The following CD226 variants were observed in gnomAD, a reference collection of about 807,000 sequenced individuals.
The protein encoded by CD226 is CD226 molecule, also known as CD226 antigen.
Under a neutral mutation model 34.9 loss-of-function variants are expected in CD226, and 24 were observed. The ratio of observed to expected loss-of-function variants is 0.69; its 90% CI spans 0.50 to 0.97. The LOEUF is 0.97. CD226 is among the 50% of genes least tolerant of loss of function. The pLI is 0.00. For synonymous variants in CD226, 148 were observed against 147.4 expected (o/e 1.00, Z -0.03); for missense variants, 397 against 412.7 (o/e 0.96, Z 0.33).
At chr18:69,944,517 G>T (rs987438250) in intron 2 of CD226, 1 of 152,192 alleles carries the variant, frequency 6.6e-6, no homozygotes, top group East Asian at 1.9e-4. Flanking sequence ...GTTCTCTACA[G>T]GTTAGCTCCA....
intron 2 of CD226, among the ~76,000 whole-genome samples, chr18:69,897,962 A>G (rs1022128388): frequency 1.3e-5 from 2 of 152,154 alleles, no homozygotes; most frequent in African/African-American, 4.8e-5. Context: ...CACATAACAC[A>G]CACCCGGAAA....
At chr18:69,897,710 A>G (rs1985379370) in intron 2 of CD226, among the ~76,000 whole-genome samples, 2 of 152,198 alleles carry the variant, frequency 1.3e-5, no homozygotes. Context: ...AAGGAAGGAA[A>G]GGAGACAGAG....
intron 3 of CD226, among the ~76,000 whole-genome samples, chr18:69,874,368 T>C (rs1185375092): frequency 6.6e-6 from 1 of 152,204 alleles, no homozygotes; most frequent in Non-Finnish European, 1.5e-5. Flanking sequence ...CCACAGAGCA[T>C]GTTGTGAGTG....
At position 69,863,518 on chromosome 18, in the gene CD226, T is replaced by C; in HGVS notation, c.*796A>G. The C allele has an allele frequency of 6.6e-6, 1 of 152,214 alleles. No individual in the cohort carries two copies. Among genetic ancestry groups the C allele is most frequent in the Non-Finnish European group, 1.5e-5 (1 of 68,040 alleles). The allele number at this position is 152,214 out of a possible 1,614,324, so 9.4% of individuals were successfully genotyped here. A position where few individuals can be genotyped will look rare whatever the true frequency, so the allele number is the denominator to read the frequency against. On this transcript the variant is annotated 3_prime_UTR_variant, in exon 6 of 6. Coordinates refer to ENST00000582621, the MANE Select transcript of CD226 (RefSeq NM_001303618.2). The stretch of plus-strand genomic sequence containing the variant: ...CCTCTTGAATATTCATTTCTTCTAC[T>C]GCCAGGTATTCTTCTGGACTATGCT...
intron 3 of CD226, among the ~76,000 whole-genome samples, chr18:69,888,409 CCTTT>C (rs1984687008): frequency 7.1e-6 from 1 of 140,066 alleles, no homozygotes; most frequent in African/African-American, 2.6e-5. Flanking sequence ...CTATTTTTTT[CCTTT>C]CTCTTTTTTT....
At chr18:69,918,194 C>T (rs2055408632) in intron 2 of CD226, among the ~76,000 whole-genome samples, 1 of 152,212 alleles carries the variant, frequency 6.6e-6, no homozygotes, top group African/African-American at 2.4e-5. Flanking sequence ...AAAAGAGTCA[C>T]CTACTTCAAT....
At chr18:69,937,670 G>A (rs2055672043) in intron 2 of CD226, among the ~76,000 whole-genome samples, 2 of 152,064 alleles carry the variant, frequency 1.3e-5, no homozygotes. Flanking sequence ...GGATAAGTGG[G>A]TTCAGCTCCT....
upstream of CD226, among the ~76,000 whole-genome samples, chr18:69,960,980 G>T (rs1382131495): frequency 6.6e-6 from 1 of 152,172 alleles, no homozygotes; most frequent in Non-Finnish European, 1.5e-5. Context: ...AAAAGGAATA[G>T]GAGCTGTAAA....
rs79101692 is a variant in CD226 at position 69,906,694 on chromosome 18, T to A, written c.383-10649A>T. Among the ~76,000 whole-genome samples the A allele has an allele frequency of 8.3e-3, 1,267 of 152,328 alleles. 8 individuals carry two copies. The highest frequency in any genetic ancestry group is 0.041 in the Middle Eastern group (12 of 294). On this transcript the variant is annotated intron_variant, in intron 2 of 5. Coordinates refer to ENST00000582621, the MANE Select transcript of CD226 (RefSeq NM_001303618.2). Reference sequence around the variant, plus strand: ...GGAGGACTTCGAGTTTCAGACAATATTCACGTTCGTTGTAAGGGAAAATGG... The same window carrying A: ...GGAGGACTTCGAGTTTCAGACAATAATCACGTTCGTTGTAAGGGAAAATGG...
chr18:69,916,712 T>C (rs1255028864), intron 2 of CD226, among the ~76,000 whole-genome samples: 3 of 152,204 alleles, frequency 2.0e-5, no homozygotes, highest in African/African-American at 7.2e-5. Context: ...GCATGAACTG[T>C]CCTTTTTATA....
At chr18:69,918,269 A>G (rs1376361748) in intron 2 of CD226, among the ~76,000 whole-genome samples, 1 of 152,206 alleles carries the variant, frequency 6.6e-6, no homozygotes, top group Non-Finnish European at 1.5e-5. Flanking sequence ...AGAAGCTATT[A>G]GGGCCAGGCA....
At chr18:69,934,391 T>C (rs2055627055) in intron 2 of CD226, among the ~76,000 whole-genome samples, 1 of 152,054 alleles carries the variant, frequency 6.6e-6, no homozygotes, top group Non-Finnish European at 1.5e-5. Context: ...TGGCCAAGAA[T>C]TGGAACAAGT....
upstream of CD226, among the ~76,000 whole-genome samples, chr18:69,952,782 G>A (rs1300018558): frequency 2.0e-5 from 3 of 152,160 alleles, no homozygotes; most frequent in African/African-American, 7.2e-5. Flanking sequence ...GTGCATCAAA[G>A]GACATTTTCA....
intron 2 of CD226, among the ~76,000 whole-genome samples, chr18:69,928,932 C>T (rs951117931): frequency 2.0e-5 from 3 of 152,164 alleles, no homozygotes; most frequent in Admixed American, 2.0e-4. Flanking sequence ...TGCAAAGTGA[C>T]TTTGGAAGGT....
At chr18:69,954,951 GT>G (rs111927782) in intron 1 of CD226, among the ~76,000 whole-genome samples, 3 of 152,016 alleles carry the variant, frequency 2.0e-5, no homozygotes, top group Admixed American at 1.3e-4. Flanking sequence ...TTGGCTTGAG[GT>G]TTTTTTTCTA....
intron 4 of CD226, among the ~76,000 whole-genome samples, chr18:69,872,344 G>A (rs1483631100): frequency 6.6e-6 from 1 of 152,080 alleles, no homozygotes; most frequent in Non-Finnish European, 1.5e-5. Flanking sequence ...AGAACTAGAA[G>A]GGGAAGAAAA....
In CD226 at chr18:69,862,260, C is replaced by G. The variant is rs1982868419; in HGVS notation, c.*2054G>C. On this transcript the variant is annotated 3_prime_UTR_variant, in exon 6 of 6. Coordinates refer to ENST00000582621, the MANE Select transcript of CD226 (RefSeq NM_001303618.2). Reference sequence around the variant, plus strand: ...AACTGTAAAAATGTTTTCCTGCTCACATACACTAATCATTGAGAATTTGGT... The same window carrying G: ...AACTGTAAAAATGTTTTCCTGCTCAGATACACTAATCATTGAGAATTTGGT... 1 of 152,150 alleles carries G rather than the reference C, an allele frequency of 6.6e-6. No homozygotes were observed. Among genetic ancestry groups the G allele is most frequent in the Non-Finnish European group, 1.5e-5 (1 of 67,984 alleles). 9.4% of individuals were successfully genotyped at this position (152,150 alleles called of 1,614,324 possible). A position where few individuals can be genotyped will look rare whatever the true frequency, so the allele number is the denominator to read the frequency against.
rs760319405 is a variant in CD226 at position 69,859,204 on chromosome 18, G to C, written c.*5110C>G. The C allele has an allele frequency of 6.6e-6, 1 of 152,112 alleles. No individual in the cohort carries two copies. Among genetic ancestry groups the C allele is most frequent in the Non-Finnish European group, 1.5e-5 (1 of 68,026 alleles). The allele number at this position is 152,112 out of a possible 1,614,324, so 9.4% of individuals were successfully genotyped here. A position where few individuals can be genotyped will look rare whatever the true frequency, so the allele number is the denominator to read the frequency against. On this transcript the variant is annotated 3_prime_UTR_variant, in exon 6 of 6. Coordinates refer to ENST00000582621, the MANE Select transcript of CD226 (RefSeq NM_001303618.2). ...GAAGGGAGACACCAGGATGGCAGTT[G>C]TGTGCCTCTCCTTCTAGCCCCAAGT...
At position 69,861,564 on chromosome 18, in the gene CD226, A is replaced by ATATATATATATATATATATG. The variant is rs1982831703; in HGVS notation, c.*2749_*2750insCATATATATATATATATATA. 3 of 145,882 alleles carry ATATATATATATATATATATG rather than the reference A, an allele frequency of 2.1e-5. No individual in the cohort carries two copies. Among genetic ancestry groups the ATATATATATATATATATATG allele is most frequent in the African/African-American group, 7.4e-5 (3 of 40,422 alleles). 9.0% of individuals were successfully genotyped at this position (145,882 alleles called of 1,614,324 possible). On this transcript the variant is annotated 3_prime_UTR_variant, in exon 6 of 6. Coordinates refer to ENST00000582621, the MANE Select transcript of CD226 (RefSeq NM_001303618.2). The stretch of plus-strand genomic sequence containing the variant: ...TGTGTATATATATATGTATATATAT[A>ATATATATATATATATATATG]TATATATATGTAAAACTTAAGAAGC...
Sources: gnomAD v4.1 joint callset for allele counts (sites outside exome capture counted in the v4.1 genomes callset) on GRCh38, gnomAD v4.1.1 for gene constraint, MANE v1.5 for transcripts, NCBI Gene and HGNC (gene_info 2026-07-23, HGNC 2026-07-21) for gene names.